The following PDE4D variants were observed in gnomAD, a reference collection of about 807,000 sequenced individuals.
The protein encoded by PDE4D is 3',5'-cyclic-AMP phosphodiesterase 4D.
PDE4D carries 24 observed loss-of-function variants against 87.4 expected under a neutral mutation model. That is an observed-to-expected ratio of 0.27 (90% CI 0.20 to 0.39). PDE4D has a LOEUF of 0.39. Ranked by LOEUF, PDE4D falls within the 10% of genes least tolerant of loss-of-function variation. The pLI, the probability that PDE4D is intolerant of heterozygous loss-of-function variation, is 1.00. For synonymous variants in PDE4D, 384 were observed against 383.2 expected (o/e 1.00, Z -0.02); for missense variants, 714 against 1,041.0 (o/e 0.69, Z 4.32).
At chr5:59,313,130 C>G (rs745967536) in intron 1 of PDE4D, among the ~76,000 whole-genome samples, 1 of 152,056 alleles carries the variant, frequency 6.6e-6, no homozygotes, top group Non-Finnish European at 1.5e-5. Context: ...GGAACAGAGC[C>G]AAGGGAAACT....
intron 1 of PDE4D, among the ~76,000 whole-genome samples, chr5:60,378,108 C>T (rs536045009): frequency 5.9e-5 from 9 of 152,224 alleles, no homozygotes; most frequent in South Asian, 4.1e-4. Flanking sequence ...AATCTTGGAG[C>T]GCATAAATAT....
chr5:60,423,497 G>A (rs556279373), intron 1 of PDE4D, among the ~76,000 whole-genome samples: 3 of 152,168 alleles, frequency 2.0e-5, no homozygotes, highest in East Asian at 1.9e-4. Context: ...TGAAACCAAC[G>A]AGAACAAAGA....
intron 5 of PDE4D, among the ~76,000 whole-genome samples, chr5:59,041,693 A>G (rs1026129934): frequency 6.6e-6 from 1 of 152,170 alleles, no homozygotes; most frequent in Non-Finnish European, 1.5e-5. Flanking sequence ...ACTTTCTCAA[A>G]GCCTGAGCCT....
intron 1 of PDE4D, among the ~76,000 whole-genome samples, chr5:59,711,126 T>C (rs1754138810): frequency 6.6e-6 from 1 of 152,172 alleles, no homozygotes; most frequent in African/African-American, 2.4e-5. Flanking sequence ...CTGCAGTAAG[T>C]ATGGAAATGT....
intron 1 of PDE4D, among the ~76,000 whole-genome samples, chr5:60,369,208 A>G (rs981173972): frequency 4.0e-5 from 6 of 151,404 alleles, no homozygotes; most frequent in African/African-American, 1.5e-4. Context: ...CACCAGCCTG[A>G]CAGCACAGAT....
At chr5:60,090,838 C>T (rs557504372) in intron 2 of PDE4D, among the ~76,000 whole-genome samples, 1 of 152,196 alleles carries the variant, frequency 6.6e-6, no homozygotes, top group Non-Finnish European at 1.5e-5. Context: ...TTGCAATATA[C>T]AAAATAAACA....
intron 1 of PDE4D, among the ~76,000 whole-genome samples, chr5:59,430,886 C>T (rs181412378): frequency 1.4e-4 from 21 of 152,106 alleles, no homozygotes; most frequent in Admixed American, 2.0e-4. Flanking sequence ...GCTATATTTT[C>T]GAAGAGGGAA....
chr5:59,291,606 T>C (rs766438196), intron 1 of PDE4D, among the ~76,000 whole-genome samples: 91 of 152,180 alleles, frequency 6.0e-4, no homozygotes, highest in Non-Finnish European at 1.0e-3. Context: ...AAAAAAAGGA[T>C]AAATGCTTGA....
At chr5:60,495,743 C>T (rs995521902) in intron 1 of PDE4D, among the ~76,000 whole-genome samples, 1 of 152,180 alleles carries the variant, frequency 6.6e-6, no homozygotes, top group Non-Finnish European at 1.5e-5. Context: ...CAGTACGTGT[C>T]CTTCTAATGA....
chr5:60,459,736 G>T, intron 1 of PDE4D: 1 of 394,090 alleles, frequency 2.5e-6, no homozygotes, highest in Non-Finnish European at 4.8e-6. Flanking sequence ...AGAGCAAAGA[G>T]ACCTCAACAA....
chr5:59,521,496 C>G (rs772186770), intron 1 of PDE4D, among the ~76,000 whole-genome samples: 1 of 152,198 alleles, frequency 6.6e-6, no homozygotes, highest in South Asian at 2.1e-4. Flanking sequence ...CTTGCCTTTA[C>G]TTATAGACAC....
intron 1 of PDE4D, among the ~76,000 whole-genome samples, chr5:59,255,953 T>C (rs953103907): frequency 2.0e-5 from 3 of 152,158 alleles, no homozygotes; most frequent in Admixed American, 1.3e-4. Flanking sequence ...ATCAGCCATA[T>C]ACCGATTGAC....
At chr5:59,308,063 G>A (rs1771772543) in intron 1 of PDE4D, among the ~76,000 whole-genome samples, 1 of 152,160 alleles carries the variant, frequency 6.6e-6, no homozygotes, top group Non-Finnish European at 1.5e-5. Flanking sequence ...CCTTTGTAGG[G>A]ACATGGATGA....
intron 5 of PDE4D, among the ~76,000 whole-genome samples, chr5:59,123,119 C>T (rs1774839989): frequency 6.6e-6 from 1 of 151,806 alleles, no homozygotes. Context: ...TCCTTTGATC[C>T]AGTAGCTAAG....
intron 5 of PDE4D, among the ~76,000 whole-genome samples, chr5:59,094,149 C>T (rs1210473764): frequency 1.6e-5 from 2 of 124,294 alleles, no homozygotes; most frequent in East Asian, 2.9e-4. Context: ...ACCTGGGAGG[C>T]AGAGGTTGCA....
intron 1 of PDE4D, among the ~76,000 whole-genome samples, chr5:60,249,545 G>A (rs1231079572): frequency 6.6e-6 from 1 of 152,032 alleles, no homozygotes; most frequent in Non-Finnish European, 1.5e-5. Flanking sequence ...CTGCTAAGGA[G>A]AGGACATGAC....
chr5:60,074,760 T>A (rs954370329), intron 2 of PDE4D, among the ~76,000 whole-genome samples: 2 of 152,182 alleles, frequency 1.3e-5, no homozygotes, highest in African/African-American at 4.8e-5. Context: ...TTACATAATA[T>A]CCTTCTTCAT....
intron 1 of PDE4D, among the ~76,000 whole-genome samples, chr5:59,566,896 C>T (rs927855117): frequency 1.4e-4 from 21 of 151,790 alleles, no homozygotes; most frequent in Admixed American, 4.6e-4. Context: ...AACATGTTTG[C>T]TTGTGGGGTC....
intron 5 of PDE4D, among the ~76,000 whole-genome samples, chr5:59,161,199 T>A (rs777137123): frequency 7.2e-5 from 11 of 152,036 alleles, no homozygotes; most frequent in Non-Finnish European, 1.6e-4. Context: ...TTGCCAAAGT[T>A]AAGGATGCAC....
Sources: allele counts gnomAD v4.1 joint callset (sites outside exome capture counted in the v4.1 genomes callset), GRCh38; gene constraint gnomAD v4.1.1; transcripts MANE v1.5; gene names NCBI Gene and HGNC (gene_info 2026-07-23, HGNC 2026-07-21).